The following INSR variants were observed in gnomAD, a reference collection of about 807,000 sequenced individuals.
The protein encoded by INSR is insulin receptor.
INSR carries 67 observed loss-of-function variants against 142.6 expected under a neutral mutation model. The observed-to-expected ratio is 0.47, with a 90% CI of 0.39 to 0.58. INSR has a LOEUF of 0.58. Among genes scored for constraint, INSR ranks in the 20% least tolerant of loss-of-function variants. The pLI is 0.00. For synonymous variants in INSR, 756 were observed against 743.1 expected (o/e 1.02, Z -0.28); for missense variants, 1,248 against 1,833.2 (o/e 0.68, Z 5.83).
At chr19:7,226,143 C>T (rs1975772698) in intron 2 of INSR, among the ~76,000 whole-genome samples, 1 of 152,220 alleles carries the variant, frequency 6.6e-6, no homozygotes. Flanking sequence ...TGTGGTGCCT[C>T]ACGCCTGTAA....
rs564846406 is a variant in INSR at position 7,188,274 on chromosome 19, G to A, written c.653-3637C>T. 6.6e-5 allele frequency among the ~76,000 whole-genome samples: 10 copies of A among 152,068 alleles called. 1 individual carries two copies. In the South Asian group the frequency reaches 8.3e-4, roughly 13 times the overall value. ...TGAAAATTATCTTGGGGCTGGGCGC[G>A]GGGGCTCACACCTATAATCCCAGCA... is the stretch of plus-strand genomic sequence containing the variant. On this transcript the variant is annotated intron_variant, in intron 2 of 21. Coordinates refer to ENST00000302850, the MANE Select transcript of INSR (RefSeq NM_000208.4).
At chr19:7,288,325 ACT>A (rs1320570652) in intron 1 of INSR, among the ~76,000 whole-genome samples, 1 of 151,940 alleles carries the variant, frequency 6.6e-6, no homozygotes, top group Non-Finnish European at 1.5e-5. Flanking sequence ...ACATAGCTAG[ACT>A]CTGTCTCTAC....
intron 1 of INSR, among the ~76,000 whole-genome samples, chr19:7,287,505 G>GA (rs943077913): frequency 1.2e-3 from 176 of 144,958 alleles, no homozygotes; most frequent in African/African-American, 3.4e-3. Flanking sequence ...AGGCCTGAGA[G>GA]AAAAAAAAAA....
intron 2 of INSR, among the ~76,000 whole-genome samples, chr19:7,194,678 A>AT (rs35692691): frequency 1.8e-3 from 205 of 111,298 alleles, no homozygotes; most frequent in South Asian, 6.8e-3. Context: ...ACACCAACTG[A>AT]TTTTTTTTTT....
intron 9 of INSR, among the ~76,000 whole-genome samples, chr19:7,157,250 A>AT (rs1302292328): frequency 1.3e-5 from 2 of 151,580 alleles, no homozygotes; most frequent in Non-Finnish European, 2.9e-5. Context: ...AAGTGCTGGG[A>AT]TTATAGGCTT....
Position 7,156,052 on chromosome 19 carries a change from CTTT to C in INSR, c.2030-3128_2030-3126del, listed in dbSNP as rs147889782. Among the ~76,000 whole-genome samples, 126 of 67,328 alleles carry C rather than the reference CTTT, an allele frequency of 1.9e-3. No homozygotes were observed. In the East Asian group the frequency reaches 0.021, roughly 11 times the overall value. 44.2% of individuals were successfully genotyped at this position (67,328 alleles called of 152,430 possible). ...GCAGAGTAGAATGCCATATGGAATT[CTTT>C]TTTTTTTTTTTTTTTTTTTTTTTTT... On this transcript the variant is annotated intron_variant, in intron 9 of 21. Transcript: ENST00000302850.
chr19:7,197,514 GGGGTGTGT>G lies in INSR; in HGVS notation c.653-12885_653-12878del, dbSNP rs1197888078. On this transcript the variant is annotated intron_variant, in intron 2 of 21. Coordinates refer to ENST00000302850, the MANE Select transcript of INSR (RefSeq NM_000208.4). ...ATTGGCAGGTTCCAGAGTGGGAGTG[GGGGTGTGT>G]GTGTGTGTGTGTGTGTGTGTGTGTC... is the stretch of plus-strand genomic sequence containing the variant. Among the ~76,000 whole-genome samples, 216 of 26,956 alleles carry G rather than the reference GGGGTGTGT, an allele frequency of 8.0e-3. 18 individuals carry two copies. Among genetic ancestry groups the G allele is most frequent in the African/African-American group, 0.02 (194 of 9,844 alleles). 17.7% of individuals were successfully genotyped at this position (26,956 alleles called of 152,430 possible).
At chr19:7,230,137 G>A (rs796689238) in intron 2 of INSR, among the ~76,000 whole-genome samples, 31 of 152,066 alleles carry the variant, frequency 2.0e-4, no homozygotes, top group African/African-American at 7.2e-4. Flanking sequence ...TCAGAGGCTC[G>A]CACAGCACCT....
At chr19:7,237,125 T>A in intron 2 of INSR, among the ~76,000 whole-genome samples, 1 of 151,686 alleles carries the variant, frequency 6.6e-6, no homozygotes, top group Non-Finnish European at 1.5e-5. Context: ...GTTCAGTGTA[T>A]ACTGCTCGGG....
chr19:7,135,649 T>C (rs1272812040), intron 13 of INSR, among the ~76,000 whole-genome samples: 1 of 151,624 alleles, frequency 6.6e-6, no homozygotes, highest in Admixed American at 6.6e-5. Context: ...GGTGGCTTTG[T>C]TTATGAAACT....
At chr19:7,139,286 G>A (rs570300054) in intron 13 of INSR, among the ~76,000 whole-genome samples, 27 of 152,282 alleles carry the variant, frequency 1.8e-4, no homozygotes, top group Non-Finnish European at 2.9e-4. Context: ...AGTACCTTTG[G>A]GGGCAGTTTG....
intron 5 of INSR, among the ~76,000 whole-genome samples, 174 bp from the exon 6 acceptor site, chr19:7,170,925 G>C (rs1974002924): frequency 6.6e-6 from 1 of 152,158 alleles, no homozygotes; most frequent in Non-Finnish European, 1.5e-5. Flanking sequence ...GGAAGTTGAG[G>C]AAGTTTTCAT....
chr19:7,277,682 G>A (rs763929919), intron 1 of INSR, among the ~76,000 whole-genome samples: 7 of 151,950 alleles, frequency 4.6e-5, no homozygotes, highest in African/African-American at 9.7e-5. Flanking sequence ...CTGTGCTCCC[G>A]GCTACTCAGG....
intron 14 of INSR, among the ~76,000 whole-genome samples, chr19:7,131,297 G>A (rs1972774915): frequency 6.6e-6 from 1 of 151,752 alleles, no homozygotes; most frequent in South Asian, 2.1e-4. Flanking sequence ...TGATTACATG[G>A]GTGACAAAAT....
chr19:7,133,625 G>A (rs1016546340), intron 13 of INSR, among the ~76,000 whole-genome samples: 1 of 152,218 alleles, frequency 6.6e-6, no homozygotes, highest in Non-Finnish European at 1.5e-5. Flanking sequence ...ACTTTGGGAG[G>A]CCGAGGTGGG....
At chr19:7,226,803 C>T (rs1397388931) in intron 2 of INSR, among the ~76,000 whole-genome samples, 1 of 151,544 alleles carries the variant, frequency 6.6e-6, no homozygotes, top group African/African-American at 2.4e-5. Flanking sequence ...TATACCCCTA[C>T]TCCAAACAGG....
chr19:7,253,509 A>T (rs1456835738), intron 2 of INSR, among the ~76,000 whole-genome samples: 1 of 151,958 alleles, frequency 6.6e-6, no homozygotes, highest in African/African-American at 2.4e-5. Flanking sequence ...GAGTGCTGGG[A>T]TTACAGGCGT....
intron 9 of INSR, among the ~76,000 whole-genome samples, chr19:7,158,801 T>C (rs531266751): frequency 6.6e-6 from 1 of 152,308 alleles, no homozygotes; most frequent in South Asian, 2.1e-4. Flanking sequence ...ACACTAGTGA[T>C]ATTAACAGGA....
intron 11 of INSR, among the ~76,000 whole-genome samples, chr19:7,144,534 G>A (rs1224235575): frequency 6.6e-6 from 1 of 152,044 alleles, no homozygotes. Flanking sequence ...CTCCTGAGTA[G>A]CTGGGATTAC....
Sources: allele counts gnomAD v4.1 joint callset (sites outside exome capture counted in the v4.1 genomes callset), GRCh38; gene constraint gnomAD v4.1.1; transcripts MANE v1.5; gene names NCBI Gene and HGNC (gene_info 2026-07-23, HGNC 2026-07-21).